Variants in MFSD12 observed in about 807,000 individuals in gnomAD.
MFSD12 encodes the protein major facilitator superfamily domain containing 12, also known as major facilitator superfamily domain-containing protein 12.
MFSD12 carries 67 observed loss-of-function variants against 51.2 expected under a neutral mutation model. That is an observed-to-expected ratio of 1.31 (90% CI 1.08 to 1.60). MFSD12 has a LOEUF of 1.60. MFSD12 is among the 40% of genes most tolerant of loss of function. MFSD12 has a pLI of 0.00. For missense variants in MFSD12, 921 were observed against 673.0 expected (o/e 1.37, Z -4.08); for synonymous variants, 441 against 316.7 (o/e 1.39, Z -4.17).
downstream of MFSD12, chr19:3,543,937 A>G: frequency 2.6e-6 from 4 of 1,550,728 alleles, no homozygotes; most frequent in South Asian, 1.2e-5. Context: ...AACTACCGGG[A>G]GTGGGTCCTG....
At chr19:3,554,175 A>G (rs376394635) in intron 1 of MFSD12, among the ~76,000 whole-genome samples, 13 of 151,490 alleles carry the variant, frequency 8.6e-5, no homozygotes, top group African/African-American at 3.1e-4. Context: ...GGTTGCTCAC[A>G]CCTGTAATCC....
At chr19:3,548,419 G>A (rs1332147789) in intron 2 of MFSD12, 152 bp from the exon 3 acceptor site, 12 of 1,017,688 alleles carry the variant, frequency 1.2e-5, no homozygotes, top group Non-Finnish European at 9.8e-6. Context: ...GGAAGCCCGT[G>A]CTGGCCTCAG....
downstream of MFSD12, chr19:3,543,664 C>G (rs1005204668): frequency 8.4e-6 from 13 of 1,540,808 alleles, no homozygotes; most frequent in African/African-American, 2.7e-5. Context: ...ACAGGCCAAT[C>G]CGGGGCAAGG....
At chr19:3,543,206 C>T (rs1293754063), downstream of MFSD12, 4 of 1,534,954 alleles carry the variant, frequency 2.6e-6, no homozygotes, top group African/African-American at 2.7e-5. Context: ...TAGACATGGG[C>T]TCAGTCTCTG....
Position 3,557,302 on chromosome 19 carries a change from C to G in MFSD12, c.102G>C (p.Leu34=), listed in dbSNP as rs1176483863. ...GGTAGGTGAACCACATGGACGCGCACAGGTCGTTGAGGAAGTGGCCCACGG... is the reference window on the plus strand; with the variant it reads ...GGTAGGTGAACCACATGGACGCGCAGAGGTCGTTGAGGAAGTGGCCCACGG... ...SYAVGHFLND[L]CASMWFTYLL... is the part of the protein sequence containing the mutation. The change falls in exon 1 of 10, where the codon CTG becomes CTC. Residue 34 remains leucine (L), a synonymous_variant. Coordinates refer to ENST00000355415, the MANE Select transcript of MFSD12 (RefSeq NM_174983.5). 4 of 1,593,094 alleles carry G rather than the reference C, an allele frequency of 2.5e-6. No homozygotes were observed. Among genetic ancestry groups the G allele is most frequent in the Non-Finnish European group, 3.4e-6 (4 of 1,171,396 alleles).
At chr19:3,540,871 C>CA (rs1161701645), downstream of MFSD12, among the ~76,000 whole-genome samples, 2,049 of 60,972 alleles carry the variant, frequency 0.034, 59 homozygotes, top group African/African-American at 0.097. Context: ...AACTCCATCT[C>CA]AAAAAAAAAA....
intron 1 of MFSD12, among the ~76,000 whole-genome samples, chr19:3,552,514 G>C (rs891188819): frequency 1.1e-4 from 13 of 123,084 alleles, no homozygotes; most frequent in African/African-American, 3.4e-4. Flanking sequence ...TCGCTCTGTT[G>C]CCCAGGCTGG....
exon 5 of MFSD12, chr19:3,538,649 C>CGTGGGTGTGTG (rs113259909): frequency 2.6e-5 from 12 of 468,786 alleles, no homozygotes; most frequent in East Asian, 1.4e-4. Flanking sequence ...CGTTCCAGCA[C>CGTGGGTGTGTG]GGTGGCGGCG....
chr19:3,544,513 A>C lies in MFSD12; in HGVS notation c.*197T>G. ...GAGTTGAGAATGGGACACCCTCAAA[A>C]CCCAGGGGGTCCTTGCAAGTCCCTG... On this transcript the variant is annotated 3_prime_UTR_variant, in exon 10 of 10. Transcript: ENST00000355415. The C allele has an allele frequency of 7.1e-7, 1 of 1,401,098 alleles. No individual in the cohort carries two copies. The highest frequency in any genetic ancestry group is 1.7e-5 in the South Asian group (1 of 59,620). The allele number at this position is 1,401,098 out of a possible 1,614,324, so 86.8% of individuals were successfully genotyped here.
chr19:3,543,037 G>A, downstream of MFSD12: 3 of 1,606,430 alleles, frequency 1.9e-6, no homozygotes, highest in Non-Finnish European at 2.5e-6. Context: ...GTGGGGAGAG[G>A]GGGAGTCAGC....
intron 6 of MFSD12, among the ~76,000 whole-genome samples, 191 bp downstream of exon 6, chr19:3,547,081 G>A (rs572443106): frequency 3.3e-5 from 5 of 152,204 alleles, no homozygotes; most frequent in South Asian, 4.1e-4. Context: ...CTCGTGATCC[G>A]CCCGCCTCGG....
At chr19:3,540,936 C>T (rs1247841603), downstream of MFSD12, among the ~76,000 whole-genome samples, 11 of 151,466 alleles carry the variant, frequency 7.3e-5, no homozygotes, top group East Asian at 5.9e-4. Flanking sequence ...TTTGGGAGGC[C>T]GAGGCGGGTG....
rs377599264 is a variant in MFSD12 at position 3,550,876 on chromosome 19, C to T, written c.509+108G>A. 1.7e-3 allele frequency: 1,478 copies of T among 882,646 alleles called. 37 individuals are homozygous for T. In the South Asian group the frequency reaches 0.023, roughly 13 times the overall value. The allele number at this position is 882,646 out of a possible 1,614,324, so 54.7% of individuals were successfully genotyped here. On this transcript the variant is annotated intron_variant, in intron 2 of 9. Coordinates refer to ENST00000355415, the MANE Select transcript of MFSD12 (RefSeq NM_174983.5). ...TCAAAAAAATAAACATGAAAGACTG[C>T]CTGGTCTCGAGCTGCCGAGTCTGTG...
downstream of MFSD12, chr19:3,539,202 G>T (rs1312357618): frequency 1.2e-5 from 19 of 1,550,612 alleles, no homozygotes; most frequent in East Asian, 3.2e-4. Context: ...GCAAGAGGCT[G>T]CACGGCCCTG....
At position 3,548,065 on chromosome 19, in the gene MFSD12, G is replaced by T. The variant is rs753290954; in HGVS notation, c.655-35C>A. The T allele has an allele frequency of 1.9e-6, 3 of 1,599,996 alleles. No individual in the cohort carries two copies. In the Admixed American group the frequency reaches 5.1e-5, roughly 27 times the overall value. ...CAGCAGAAGCAGTCAGTGGTGGCGG[G>T]CCCAGCCCCCGCCCCTGGCTCGAGG... On this transcript the variant is annotated intron_variant, in intron 3 of 9. Transcript: ENST00000355415.
rs200657741 is a variant in MFSD12 at position 3,544,910 on chromosome 19, C to T, written c.1319G>A (p.Ser440Asn). The stretch of plus-strand genomic sequence containing the variant: ...AGCCACCATCGCCCAGTGGTAAAAG[C>T]TCACGCAGGCCCTGCAGCAGAGCTC... ...PSELCCRACV[S>N]FYHWAMVAVT... Residue 440 changes from serine to asparagine, a missense_variant, in exon 9 of 10, where the codon AGC becomes AAC. Transcript: ENST00000355415. 331 of 1,611,026 alleles carry T rather than the reference C, an allele frequency of 2.1e-4. No homozygotes were observed. Among genetic ancestry groups the T allele is most frequent in the Middle Eastern group, 8.3e-4 (5 of 6,010 alleles).
At chr19:3,552,154 G>A (rs531201739) in intron 1 of MFSD12, among the ~76,000 whole-genome samples, 1 of 152,068 alleles carries the variant, frequency 6.6e-6, no homozygotes, top group South Asian at 2.1e-4. Context: ...CATGGAACTC[G>A]GGCATTTCAA....
chr19:3,539,064 CGCA>C (rs1568246174), intron 4 of MFSD12: 1 of 685,850 alleles, frequency 1.5e-6, no homozygotes, highest in African/African-American at 1.8e-5. Context: ...CACCTCACCC[CGCA>C]GCTGGGAGGA....
downstream of MFSD12, chr19:3,542,143 T>A: frequency 4.1e-6 from 4 of 985,406 alleles, no homozygotes; most frequent in Non-Finnish European, 4.8e-6. Flanking sequence ...TTTTAAAAGC[T>A]ACATGTGTCT....
Sources: gnomAD v4.1 joint callset for allele counts (sites outside exome capture counted in the v4.1 genomes callset) on GRCh38, gnomAD v4.1.1 for gene constraint, MANE v1.5 for transcripts, NCBI Gene and HGNC (gene_info 2026-07-23, HGNC 2026-07-21) for gene names.